The following GPC3 variants were observed in gnomAD, a reference collection of about 807,000 sequenced individuals.
The protein encoded by GPC3 is glypican 3.
GPC3 carries 3 observed loss-of-function variants against 34.4 expected under a neutral mutation model. The ratio of observed to expected loss-of-function variants is 0.09; its 90% CI spans 0.04 to 0.23. GPC3 has a LOEUF of 0.23. Among genes scored for constraint, GPC3 ranks in the 10% least tolerant of loss-of-function variants. The probability of loss-of-function intolerance (pLI) is 1.00; values close to 1 mark genes in which losing one functional copy is unlikely to be tolerated. For synonymous variants in GPC3, 177 were observed against 174.0 expected (o/e 1.02, Z -0.13); for missense variants, 351 against 445.6 (o/e 0.79, Z 1.91).
chrX:133,578,301 C>A (rs776217853), intron 7 of GPC3, among the ~76,000 whole-genome samples: 1 of 111,954 alleles, frequency 8.9e-6, no homozygotes, highest in Admixed American at 9.5e-5. Flanking sequence ...TTCATCCACT[C>A]CCCCAGAGAG....
intron 2 of GPC3, among the ~76,000 whole-genome samples, chrX:133,831,977 C>T (rs182516644): frequency 7.4e-4 from 83 of 111,637 alleles, no homozygotes; most frequent in African/African-American, 2.3e-3. Flanking sequence ...TGAGGTTAAG[C>T]GATTTATCTA....
intron 7 of GPC3, among the ~76,000 whole-genome samples, chrX:133,545,598 G>T (rs2069376736): frequency 9.0e-6 from 1 of 111,493 alleles, no homozygotes; most frequent in Non-Finnish European, 1.9e-5. Flanking sequence ...GTGAAATGAG[G>T]CATTTGCCAC....
chrX:133,878,896 T>A (rs1202319922), intron 2 of GPC3, among the ~76,000 whole-genome samples: 3 of 111,957 alleles, frequency 2.7e-5, no homozygotes, highest in African/African-American at 6.5e-5. Context: ...ATCTCTCTCA[T>A]CCTTGGCAAG....
chrX:133,901,584 G>A (rs1452881662), intron 2 of GPC3, among the ~76,000 whole-genome samples: 2 of 110,904 alleles, frequency 1.8e-5, no homozygotes, highest in Non-Finnish European at 3.8e-5. Context: ...GGGACTACAG[G>A]CCCGCACCAC....
chrX:133,827,944 CAAAAAAAA>C lies in GPC3; in HGVS notation c.338-73776_338-73769del, dbSNP rs760699432. ...GGGCAACAAGAGCAAAACTCCATCC[CAAAAAAAA>C]AAAAAAAAAAAAAAAAGAACAACCA... On this transcript the variant is annotated intron_variant, in intron 2 of 7. Coordinates refer to ENST00000370818, the MANE Select transcript of GPC3 (RefSeq NM_004484.4). 8.3e-5 allele frequency among the ~76,000 whole-genome samples: 3 copies of C among 36,045 alleles called. No homozygotes were observed. In the Admixed American group the frequency reaches 1.2e-3, roughly 14 times the overall value. 31.3% of individuals were successfully genotyped at this position (36,045 alleles called of 115,157 possible). A position where few individuals can be genotyped will look rare whatever the true frequency, so the allele number is the denominator to read the frequency against.
intron 6 of GPC3, among the ~76,000 whole-genome samples, chrX:133,602,444 T>C (rs1021638410): frequency 9.0e-6 from 1 of 111,184 alleles, no homozygotes; most frequent in African/African-American, 3.3e-5. Flanking sequence ...GGGAGCCCTA[T>C]TATGAACTAC....
intron 3 of GPC3, among the ~76,000 whole-genome samples, chrX:133,715,266 C>T (rs866711815): frequency 8.9e-6 from 1 of 112,030 alleles, no homozygotes; most frequent in African/African-American, 3.2e-5. Context: ...GGACTTAACA[C>T]CAGTGGTTTG....
At chrX:133,597,703 C>T (rs1490288271) in intron 6 of GPC3, among the ~76,000 whole-genome samples, 1 of 112,097 alleles carries the variant, frequency 8.9e-6, no homozygotes, top group African/African-American at 3.2e-5. Flanking sequence ...CTACATACTA[C>T]AGAGAAATGT....
At chrX:133,843,671 T>G (rs2075835146) in intron 2 of GPC3, among the ~76,000 whole-genome samples, 1 of 111,144 alleles carries the variant, frequency 9.0e-6, no homozygotes, top group African/African-American at 3.3e-5. Context: ...ACAGAGACCA[T>G]GAGAGATAAT....
At chrX:133,891,013 A>G (rs1227483568) in intron 2 of GPC3, among the ~76,000 whole-genome samples, 3 of 110,377 alleles carry the variant, frequency 2.7e-5, no homozygotes, top group South Asian at 3.9e-4. Context: ...TGGGTGACAT[A>G]GAGGGACACT....
At position 133,590,818 on chromosome X, in the gene GPC3, G is replaced by A. The variant is rs763276390; in HGVS notation, c.1573+5622C>T. Among the ~76,000 whole-genome samples, 5 of 111,792 alleles carry A rather than the reference G, an allele frequency of 4.5e-5. No individual in the cohort carries two copies. In the East Asian group the frequency reaches 1.4e-3, roughly 31 times the overall value. On this transcript the variant is annotated intron_variant, in intron 7 of 7. Coordinates refer to ENST00000370818, the MANE Select transcript of GPC3 (RefSeq NM_004484.4). Reference sequence around the variant, plus strand: ...GAACAGAGAACCTGCAAGGTCAGATGAAAACTTACAAGAAGATGTCCTCAA... The same window carrying A: ...GAACAGAGAACCTGCAAGGTCAGATAAAAACTTACAAGAAGATGTCCTCAA...
chrX:133,648,132 T>G (rs1048457810), intron 6 of GPC3, among the ~76,000 whole-genome samples: 3 of 112,195 alleles, frequency 2.7e-5, no homozygotes, highest in African/African-American at 6.5e-5. Context: ...AAGTCAACTT[T>G]AGGGACAAAG....
chrX:133,571,402 G>A (rs759438290), intron 7 of GPC3, among the ~76,000 whole-genome samples: 9 of 109,959 alleles, frequency 8.2e-5, no homozygotes, highest in Admixed American at 1.9e-4. Flanking sequence ...TCGCTCTGTC[G>A]CCCAGGCTGG....
chrX:133,805,599 A>T (rs1333205410), intron 2 of GPC3, among the ~76,000 whole-genome samples: 1 of 112,451 alleles, frequency 8.9e-6, no homozygotes, highest in Admixed American at 9.4e-5. Flanking sequence ...AGCTAGACTT[A>T]GGTTAGAATC....
chrX:133,762,779 A>T (rs1253026967), intron 2 of GPC3: 6 of 460,830 alleles, frequency 1.3e-5, no homozygotes, highest in Non-Finnish European at 2.3e-5. Flanking sequence ...GTCCTAACTC[A>T]GAGGAAAACT....
chrX:133,702,938 C>G (rs1405337723), intron 3 of GPC3, among the ~76,000 whole-genome samples: 3 of 112,404 alleles, frequency 2.7e-5, no homozygotes, highest in African/African-American at 9.7e-5. Context: ...CACCTCCACA[C>G]TATGTGAGCT....
chrX:133,855,160 T>C (rs1021779845), intron 2 of GPC3, among the ~76,000 whole-genome samples: 11 of 110,838 alleles, frequency 9.9e-5, no homozygotes, highest in African/African-American at 3.6e-4. Context: ...TTCTCTTCTC[T>C]TCTCTTGTCT....
intron 4 of GPC3, among the ~76,000 whole-genome samples, chrX:133,699,616 A>G (rs778589781): frequency 8.9e-6 from 1 of 112,262 alleles, no homozygotes; most frequent in Admixed American, 9.4e-5. Context: ...GTAAGCAGAA[A>G]CAATTTTGCT....
At chrX:133,798,710 T>C (rs951485121) in intron 2 of GPC3, among the ~76,000 whole-genome samples, 3 of 112,306 alleles carry the variant, frequency 2.7e-5, no homozygotes, top group Non-Finnish European at 5.6e-5. Context: ...TTAAATGCAT[T>C]CCTTTGAGCA....
Sources: gnomAD v4.1 joint callset for allele counts (sites outside exome capture counted in the v4.1 genomes callset) on GRCh38, gnomAD v4.1.1 for gene constraint, MANE v1.5 for transcripts, NCBI Gene and HGNC (gene_info 2026-07-23, HGNC 2026-07-21) for gene names.